The following LMBR1 variants were observed in gnomAD, a reference collection of about 807,000 sequenced individuals.
The protein encoded by LMBR1 is limb region 1 protein homolog.
LMBR1 carries 52 observed loss-of-function variants against 73.9 expected under a neutral mutation model. The ratio of observed to expected loss-of-function variants is 0.70; its 90% confidence interval spans 0.56 to 0.89. The LOEUF (loss-of-function observed/expected upper bound fraction) is 0.89, where lower values mean the gene tolerates loss of function less well. LMBR1 is among the 40% of genes least tolerant of loss of function. The pLI is 0.00. For synonymous variants in LMBR1, 215 were observed against 209.4 expected (o/e 1.03, Z -0.23); for missense variants, 539 against 579.8 (o/e 0.93, Z 0.72).
chr7:156,836,221 CAGAAAACAGCTG>C (rs1327308854), intron 2 of LMBR1, among the ~76,000 whole-genome samples: 3 of 152,114 alleles, frequency 2.0e-5, no homozygotes, highest in Non-Finnish European at 4.4e-5. Flanking sequence ...CTGTGATTTT[CAGAAAACAGCTG>C]AGATTTAACA....
Position 156,679,752 on chromosome 7 carries a change from G to T in LMBR1, c.*4326C>A, listed in dbSNP as rs541429722. 89 of 152,246 alleles carry T rather than the reference G, an allele frequency of 5.8e-4. 1 individual carries two copies. Among genetic ancestry groups the T allele is most frequent in the African/African-American group, 2.1e-3 (86 of 41,538 alleles). The allele number at this position is 152,246 out of a possible 1,614,324, so 9.4% of individuals were successfully genotyped here. A position where few individuals can be genotyped will look rare whatever the true frequency, so the allele number is the denominator to read the frequency against. ...TAGTCCTCCACAACCACTCACATCA[G>T]GGCCGCCCTGCTGTTCATAATCCAG... On this transcript the variant is annotated 3_prime_UTR_variant, in exon 17 of 17. Coordinates refer to ENST00000353442, the MANE Select transcript of LMBR1 (RefSeq NM_022458.4).
downstream of LMBR1, chr7:156,675,575 A>T (rs1378726518): frequency 1.3e-6 from 1 of 747,472 alleles, no homozygotes; most frequent in Non-Finnish European, 2.3e-6. Flanking sequence ...TTCCCTAAAA[A>T]GTATTATTCG....
chr7:156,760,036 A>T (rs1822678590), intron 8 of LMBR1, among the ~76,000 whole-genome samples: 1 of 152,206 alleles, frequency 6.6e-6, no homozygotes. Context: ...GGGGTGACTC[A>T]GGTCAAAGAA....
chr7:156,726,229 A>ACAAT (rs201218750), intron 12 of LMBR1: 4,635 of 160,452 alleles, frequency 0.029, 91 homozygotes, highest in Middle Eastern at 0.063. Context: ...GAATGCTTAC[A>ACAAT]CAATATACAA....
At chr7:156,852,568 T>C (rs1323722063) in intron 1 of LMBR1, among the ~76,000 whole-genome samples, 1 of 152,248 alleles carries the variant, frequency 6.6e-6, no homozygotes, top group Non-Finnish European at 1.5e-5. Flanking sequence ...CTTGGAGTTT[T>C]ACGTTATTTG....
downstream of LMBR1, among the ~76,000 whole-genome samples, chr7:156,675,430 T>C (rs1803653872): frequency 6.6e-6 from 1 of 152,332 alleles, no homozygotes; most frequent in South Asian, 2.1e-4. Context: ...GGAATGTTTT[T>C]TCCTTAAAAT....
In LMBR1 at chr7:156,789,667, G is replaced by C. The variant is rs896035837; in HGVS notation, c.423+6722C>G. 5.9e-5 allele frequency among the ~76,000 whole-genome samples: 9 copies of C among 152,162 alleles called. No individual in the cohort carries two copies. Among genetic ancestry groups the C allele is most frequent in the Non-Finnish European group, 1.3e-4 (9 of 68,032 alleles). ...TTAAGTGCCAAATAAATCTAAGATT[G>C]TAACAATTCAACCCCTAGCCTCTCT... On this transcript the variant is annotated intron_variant, in intron 5 of 16. Coordinates refer to ENST00000353442, the MANE Select transcript of LMBR1 (RefSeq NM_022458.4).
intron 1 of LMBR1, among the ~76,000 whole-genome samples, chr7:156,881,226 A>G (rs1432987637): frequency 6.6e-6 from 1 of 152,250 alleles, no homozygotes; most frequent in African/African-American, 2.4e-5. Context: ...AAGGCTGCAA[A>G]TAATACACAA....
At position 156,831,015 on chromosome 7, in the gene LMBR1, C is replaced by T. The variant is rs114959030; in HGVS notation, c.179+2738G>A. ...AATAAACTAAAGATGATAAGTGTTA[C>T]AGGAAAACACGGTAAGGAAGACTGG... On this transcript the variant is annotated intron_variant, in intron 3 of 16. Transcript: ENST00000353442. Among the ~76,000 whole-genome samples the T allele has an allele frequency of 4.2e-3, 638 of 152,196 alleles. 2 individuals are homozygous for T. Among genetic ancestry groups the T allele is most frequent in the African/African-American group, 0.015 (615 of 41,518 alleles).
intron 5 of LMBR1, among the ~76,000 whole-genome samples, chr7:156,777,580 T>G (rs141328062): frequency 6.0e-4 from 92 of 152,322 alleles, no homozygotes; most frequent in African/African-American, 1.9e-3. Flanking sequence ...CTCAGTTGAT[T>G]CTGATGAAGA....
chr7:156,725,617 G>T, intron 13 of LMBR1, 92 bp from the exon 14 acceptor site: 2 of 1,230,190 alleles, frequency 1.6e-6, no homozygotes, highest in South Asian at 1.4e-5. Context: ...CATAGGAAAA[G>T]CAAAACAAAA....
At position 156,799,288 on chromosome 7, in the gene LMBR1, C is replaced by G. The variant is rs577955893; in HGVS notation, c.320-2796G>C. Among the ~76,000 whole-genome samples the G allele has an allele frequency of 4.6e-5, 7 of 152,224 alleles. No homozygotes were observed. In the East Asian group the frequency reaches 1.4e-3, roughly 29 times the overall value. On this transcript the variant is annotated intron_variant, in intron 4 of 16. Transcript: ENST00000353442. ...ACTGTGCTTTGCAGATACCGTGTGA[C>G]GGTTTGTGACAACTCTGTGGTGAAC... is the stretch of plus-strand genomic sequence containing the variant.
chr7:156,747,732 T>C (rs1310562914), intron 9 of LMBR1, among the ~76,000 whole-genome samples: 5 of 152,186 alleles, frequency 3.3e-5, no homozygotes, highest in African/African-American at 4.8e-5. Flanking sequence ...TCCAAGAAGC[T>C]CTTTAAAAAT....
At chr7:156,798,281 T>TTTA (rs201206227) in intron 4 of LMBR1, among the ~76,000 whole-genome samples, 4,842 of 152,304 alleles carry the variant, frequency 0.032, 124 homozygotes, top group South Asian at 0.084. Context: ...AATTTTTGCT[T>TTTA]TTAAGTTACA....
chr7:156,864,769 G>A (rs892370643), intron 1 of LMBR1, among the ~76,000 whole-genome samples: 10 of 152,096 alleles, frequency 6.6e-5, no homozygotes, highest in African/African-American at 1.4e-4. Context: ...GGCCCGACAC[G>A]GGTGGATCAC....
chr7:156,875,036 G>A (rs983218548), intron 1 of LMBR1, among the ~76,000 whole-genome samples: 1 of 151,946 alleles, frequency 6.6e-6, no homozygotes, highest in Admixed American at 6.6e-5. Context: ...TCCAATTTAA[G>A]ACAATCAAAA....
chr7:156,729,006 A>AT (rs1266763748), intron 10 of LMBR1, among the ~76,000 whole-genome samples: 1 of 151,902 alleles, frequency 6.6e-6, no homozygotes, highest in African/African-American at 2.4e-5. Context: ...TGCCTGGCTA[A>AT]TTTTTTTATT....
chr7:156,826,591 C>A lies in LMBR1; in HGVS notation c.319+14G>T. Reference sequence around the variant, plus strand: ...AAATATTAATTGTGATTATATTAAGCAATATATACTAACCATGAATCAGGG... The same window carrying A: ...AAATATTAATTGTGATTATATTAAGAAATATATACTAACCATGAATCAGGG... On this transcript the variant is annotated intron_variant, in intron 4 of 16. Coordinates refer to ENST00000353442, the MANE Select transcript of LMBR1 (RefSeq NM_022458.4). 7.0e-7 allele frequency: 1 copy of A among 1,438,578 alleles called. No homozygotes were observed. Among genetic ancestry groups the A allele is most frequent in the South Asian group, 1.5e-5 (1 of 68,348 alleles). 89.1% of individuals were successfully genotyped at this position (1,438,578 alleles called of 1,614,324 possible).
chr7:156,802,680 CAAT>C (rs1468463973), intron 4 of LMBR1, among the ~76,000 whole-genome samples: 1 of 152,078 alleles, frequency 6.6e-6, no homozygotes, highest in African/African-American at 2.4e-5. Flanking sequence ...GAGAATGCAC[CAAT>C]GACACCATCA....
Sources: allele counts gnomAD v4.1 joint callset (sites outside exome capture counted in the v4.1 genomes callset), GRCh38; gene constraint gnomAD v4.1.1; transcripts MANE v1.5; gene names NCBI Gene and HGNC (gene_info 2026-07-23, HGNC 2026-07-21).